XPOT: variants seen among roughly 807,000 people sequenced by gnomAD.
XPOT encodes exportin-T.
In XPOT, 34 loss-of-function variants were observed where a neutral mutation model predicts 128.2. The observed-to-expected ratio is 0.27, with a 90% CI of 0.20 to 0.35. The LOEUF is 0.35. XPOT is among the 10% of genes least tolerant of loss of function. The pLI, the probability that XPOT is intolerant of heterozygous loss-of-function variation, is 1.00. For missense variants in XPOT, 838 were observed against 1,125.3 expected (o/e 0.74, Z 3.65); for synonymous variants, 348 against 394.3 (o/e 0.88, Z 1.39).
chr12:64,405,927 A>G (rs1390621666), intron 1 of XPOT, among the ~76,000 whole-genome samples: 1 of 149,466 alleles, frequency 6.7e-6, no homozygotes, highest in Non-Finnish European at 1.5e-5. Context: ...TCCACTGCAT[A>G]TTGATCGTCC....
rs2040393501 is a variant in XPOT at position 64,449,534 on chromosome 12, T to A, written c.*1403T>A. ...GGGTTTGTTTTGCCCTTTGGCCTCA[T>A]GAATGGGTTTCATGAATGGGCTTCA... On this transcript the variant is annotated 3_prime_UTR_variant, in exon 25 of 25. Transcript: ENST00000332707. 6.6e-6 allele frequency: 1 copy of A among 152,250 alleles called. No homozygotes were observed. Among genetic ancestry groups the A allele is most frequent in the Non-Finnish European group, 1.5e-5 (1 of 68,042 alleles). 9.4% of individuals were successfully genotyped at this position (152,250 alleles called of 1,614,324 possible).
chr12:64,439,619 TA>T (rs935260613), intron 23 of XPOT, among the ~76,000 whole-genome samples: 5 of 152,016 alleles, frequency 3.3e-5, no homozygotes, highest in Non-Finnish European at 5.9e-5. Context: ...TGCATTTTTT[TA>T]AAAAAACATT....
rs1185912508 is a variant in XPOT at position 64,451,051 on chromosome 12, T to C, written c.*2920T>C. 6.6e-6 allele frequency: 1 copy of C among 152,368 alleles called. No individual in the cohort carries two copies. The highest frequency in any genetic ancestry group is 2.1e-4 in the South Asian group (1 of 4,828). 9.4% of individuals were successfully genotyped at this position (152,368 alleles called of 1,614,324 possible). A position where few individuals can be genotyped will look rare whatever the true frequency, so the allele number is the denominator to read the frequency against. On this transcript the variant is annotated 3_prime_UTR_variant, in exon 25 of 25. Coordinates refer to ENST00000332707, the MANE Select transcript of XPOT (RefSeq NM_007235.6). ...ATTAGTTGGAATTGTAAGCAGTGAA[T>C]AGATGTGTTGTTAGAATGATTCCAT...
intron 3 of XPOT, among the ~76,000 whole-genome samples, chr12:64,416,015 TATACTC>T (rs1437844344): frequency 6.6e-6 from 1 of 152,218 alleles, no homozygotes; most frequent in East Asian, 1.9e-4. Flanking sequence ...GGAACTCTCT[TATACTC>T]ACTTCATTGG....
At chr12:64,424,789 T>C (rs151317870) in intron 12 of XPOT, 66 bp downstream of exon 12, 995 of 1,573,434 alleles carry the variant, frequency 6.3e-4, no homozygotes, top group Non-Finnish European at 8.3e-4. Context: ...TGGGTCAAAA[T>C]AAATGATTCA....
intron 16 of XPOT, 67 bp from the exon 17 acceptor site, chr12:64,429,982 A>C (rs995382073): frequency 5.0e-5 from 69 of 1,389,424 alleles, no homozygotes; most frequent in Non-Finnish European, 6.4e-5. Flanking sequence ...TTCCTAATGC[A>C]CTTTTTCTCA....
At position 64,418,920 on chromosome 12, in the gene XPOT, C is replaced by T. The variant is rs372746587; in HGVS notation, c.315C>T (p.Ala105=). The T allele has an allele frequency of 4.1e-5, 66 of 1,613,770 alleles. No homozygotes were observed. In the African/African-American group the frequency reaches 6.4e-4, roughly 16 times the overall value. Reference sequence around the variant, plus strand: ...AGAAGACCTTTATACGAAATAAAGCCGCCCAAGTCTTCGCCTTGCTTTTTG... The same window carrying T: ...AGAAGACCTTTATACGAAATAAAGCTGCCCAAGTCTTCGCCTTGCTTTTTG... ...QPEKTFIRNK[A]AQVFALLFVT... The change falls in exon 6 of 25, where the codon GCC becomes GCT. Residue 105 remains alanine (A), a synonymous_variant. Coordinates refer to ENST00000332707, the MANE Select transcript of XPOT (RefSeq NM_007235.6).
chr12:64,436,364 C>T (rs1005780491), intron 22 of XPOT, among the ~76,000 whole-genome samples: 1 of 152,092 alleles, frequency 6.6e-6, no homozygotes, highest in Non-Finnish European at 1.5e-5. Flanking sequence ...CTCAACTGAT[C>T]CTCCCATCTC....
At chr12:64,413,918 C>T (rs139889201) in intron 2 of XPOT, among the ~76,000 whole-genome samples, 19 of 152,160 alleles carry the variant, frequency 1.2e-4, no homozygotes, top group African/African-American at 4.6e-4. Flanking sequence ...GTGGGAGACA[C>T]CACCGTTTTA....
intron 21 of XPOT, 95 bp downstream of exon 21, chr12:64,435,004 T>C: frequency 9.3e-7 from 1 of 1,080,168 alleles, no homozygotes; most frequent in South Asian, 1.6e-5. Context: ...TTCATTGATT[T>C]TTTTTTTAAC....
chr12:64,436,850 G>A (rs141151281), intron 22 of XPOT, among the ~76,000 whole-genome samples: 93 of 152,298 alleles, frequency 6.1e-4, no homozygotes, highest in African/African-American at 2.2e-3. Context: ...CAAAATGCTG[G>A]TATTACACCA....
chr12:64,416,950 C>T (rs1429798750), intron 4 of XPOT, among the ~76,000 whole-genome samples, 196 bp downstream of exon 4: 5 of 152,150 alleles, frequency 3.3e-5, no homozygotes, highest in Admixed American at 1.3e-4. Flanking sequence ...AGGTGGCTCT[C>T]GCCTGTAATC....
At chr12:64,442,482 A>T (rs2040333153) in intron 23 of XPOT, 1 of 152,344 alleles carries the variant, frequency 6.6e-6, no homozygotes, top group African/African-American at 2.4e-5. Context: ...CAATTACCCT[A>T]GCCCATAGTG....
chr12:64,415,663 GC>G (rs1311828797), intron 3 of XPOT, among the ~76,000 whole-genome samples: 1 of 152,174 alleles, frequency 6.6e-6, no homozygotes, highest in Non-Finnish European at 1.5e-5. Context: ...ACAGGCGTGA[GC>G]CACCGTACCC....
chr12:64,420,442 T>C lies in XPOT; in HGVS notation c.764T>C (p.Met255Thr). 6.2e-7 allele frequency: 1 copy of C among 1,613,848 alleles called. No homozygotes were observed. Among genetic ancestry groups the C allele is most frequent in the Middle Eastern group, 1.7e-4 (1 of 6,058 alleles). ...TTATTTGAAGTTGTAAATAAAGGAA[T>C]GGACCCTGTTGATAAAATGAAACTA... Reference protein sequence around the residue: ...DCLFEVVNKGMDPVDKMKLVE... With the variant: ...DCLFEVVNKGTDPVDKMKLVE... Residue 255 changes from methionine to threonine, a missense_variant, in exon 8 of 25, where the codon ATG (methionine) becomes ACG (threonine). Physicochemically the swap from Met to Thr is moderately conservative, Grantham distance 81. Transcript: ENST00000332707.
chr12:64,438,349 A>G (rs2040299441), intron 22 of XPOT, among the ~76,000 whole-genome samples: 1 of 152,218 alleles, frequency 6.6e-6, no homozygotes, highest in Admixed American at 6.5e-5. Context: ...TTTTAAAGTG[A>G]TAACAGTGAG....
intron 18 of XPOT, among the ~76,000 whole-genome samples, chr12:64,432,616 C>A (rs539054778): frequency 6.6e-6 from 1 of 152,034 alleles, no homozygotes; most frequent in Non-Finnish European, 1.5e-5. Flanking sequence ...TCATACCTAC[C>A]CTAGAAGACA....
chr12:64,425,454 A>G lies in XPOT; in HGVS notation c.1569A>G (p.Val523=). ...TTGAACCTCAGCACATTCCATGTGT[A>G]CTAGTAAGTACTCTGGATTTTTGTT... ...FTVEPQHIPC[V]LMAFLDHRGL... The change falls in exon 14 of 25, where the codon GTA becomes GTG. Residue 523 remains valine, a synonymous_variant. Transcript: ENST00000332707. 3 of 1,613,066 alleles carry G rather than the reference A, an allele frequency of 1.9e-6. No individual in the cohort carries two copies. Among genetic ancestry groups the G allele is most frequent in the Non-Finnish European group, 1.7e-6 (2 of 1,179,732 alleles).
intron 6 of XPOT, 37 bp from the exon 7 acceptor site, chr12:64,420,033 A>C (rs768874804): frequency 2.6e-6 from 4 of 1,513,674 alleles, no homozygotes; most frequent in Admixed American, 4.8e-5. Context: ...TGATTTTGTA[A>C]GGTAATCTAC....
Sources: allele counts gnomAD v4.1 joint callset (sites outside exome capture counted in the v4.1 genomes callset), GRCh38; gene constraint gnomAD v4.1.1; transcripts MANE v1.5; gene names NCBI Gene and HGNC (gene_info 2026-07-23, HGNC 2026-07-21).